Variants in SGMS1 observed in about 807,000 individuals in gnomAD.
The protein encoded by SGMS1 is sphingomyelin synthase 1.
In SGMS1, 13 loss-of-function variants were observed where a neutral mutation model predicts 46.2. That is an observed-to-expected ratio of 0.28 (90% CI 0.18 to 0.45). The LOEUF (loss-of-function observed/expected upper bound fraction) is 0.45, where lower values mean the gene tolerates loss of function less well. Among genes scored for constraint, SGMS1 ranks in the 20% least tolerant of loss-of-function variants. The probability of loss-of-function intolerance (pLI) is 1.00; values close to 1 mark genes in which losing one functional copy is unlikely to be tolerated. For missense variants in SGMS1, 324 were observed against 519.9 expected (o/e 0.62, Z 3.66); for synonymous variants, 203 against 187.8 (o/e 1.08, Z -0.66).
At chr10:50,399,872 TA>T (rs1471179149) in intron 6 of SGMS1, among the ~76,000 whole-genome samples, 1 of 151,488 alleles carries the variant, frequency 6.6e-6, no homozygotes, top group Non-Finnish European at 1.5e-5. Context: ...ACTAAAAATA[TA>T]AAAAAATTAG....
At chr10:50,607,655 A>G (rs1838710123) in intron 1 of SGMS1, among the ~76,000 whole-genome samples, 1 of 152,190 alleles carries the variant, frequency 6.6e-6, no homozygotes, top group Non-Finnish European at 1.5e-5. Context: ...CAAAAATATC[A>G]GGGAAAAATG....
intron 2 of SGMS1, among the ~76,000 whole-genome samples, chr10:50,542,342 G>A (rs1266847179): frequency 1.3e-5 from 2 of 151,974 alleles, no homozygotes; most frequent in Non-Finnish European, 2.9e-5. Context: ...TGTTTACAGT[G>A]ATTTAAAAAA....
intron 1 of SGMS1, among the ~76,000 whole-genome samples, chr10:50,592,084 G>A (rs1351700952): frequency 6.6e-6 from 1 of 152,176 alleles, no homozygotes; most frequent in Non-Finnish European, 1.5e-5. Context: ...TCACAAGGAT[G>A]TTGGGATCCA....
Position 50,512,451 on chromosome 10 carries a change from T to TGGAA in SGMS1, c.-498+7376_-498+7379dup, listed in dbSNP as rs201173727. ...AAGCAAGTATTTGCAACAGCTGCTATGGAAGTCAGCTAGGAAATTAATAAG... is the reference window on the plus strand; with the variant it reads ...AAGCAAGTATTTGCAACAGCTGCTATGGAAGGAAGTCAGCTAGGAAATTAATAAG... On this transcript the variant is annotated intron_variant, in intron 3 of 10. Transcript: ENST00000361781. Among the ~76,000 whole-genome samples the TGGAA allele has an allele frequency of 2.2e-4, 34 of 152,308 alleles. No individual in the cohort carries two copies. The East Asian group carries it at 6.6e-3, about 29-fold the overall frequency.
At chr10:50,445,514 T>C (rs551413239) in intron 5 of SGMS1, among the ~76,000 whole-genome samples, 9 of 152,246 alleles carry the variant, frequency 5.9e-5, no homozygotes, top group African/African-American at 1.9e-4. Context: ...ATTAATACTT[T>C]TATAATTTCT....
At chr10:50,330,293 A>AAAAACAAAACAAAACAAAAC (rs10678162) in intron 7 of SGMS1, among the ~76,000 whole-genome samples, 341 of 150,190 alleles carry the variant, frequency 2.3e-3, no homozygotes, top group Non-Finnish European at 3.4e-3. Context: ...GTCTCTACTA[A>AAAAACAAAACAAAACAAAAC]AAAACAAAAC....
At chr10:50,543,169 T>G (rs1170508345) in intron 2 of SGMS1, among the ~76,000 whole-genome samples, 1 of 152,178 alleles carries the variant, frequency 6.6e-6, no homozygotes, top group African/African-American at 2.4e-5. Context: ...GAATTTCCAT[T>G]ACAATATGCT....
At chr10:50,341,235 G>A (rs1417020782) in intron 7 of SGMS1, 2 of 434,582 alleles carry the variant, frequency 4.6e-6, no homozygotes, top group African/African-American at 2.0e-5. Flanking sequence ...TGAGAGCCAG[G>A]AAAAGGTAGT....
intron 6 of SGMS1, among the ~76,000 whole-genome samples, chr10:50,403,297 A>AT (rs1238884371): frequency 2.0e-5 from 3 of 152,184 alleles, no homozygotes; most frequent in African/African-American, 7.2e-5. Flanking sequence ...CGCATGTTCA[A>AT]TGTTCCATAA....
chr10:50,384,999 T>C (rs1183014882), intron 6 of SGMS1, among the ~76,000 whole-genome samples: 3 of 152,220 alleles, frequency 2.0e-5, no homozygotes, highest in Non-Finnish European at 2.9e-5. Context: ...CCTTAGTCTC[T>C]GCTAATACGT....
At chr10:50,502,952 G>A (rs1390612888) in intron 3 of SGMS1, among the ~76,000 whole-genome samples, 1 of 152,172 alleles carries the variant, frequency 6.6e-6, no homozygotes, top group Non-Finnish European at 1.5e-5. Context: ...AACCCAAAAT[G>A]TAGTGAAATA....
At chr10:50,408,229 G>A (rs1849045047) in intron 6 of SGMS1, among the ~76,000 whole-genome samples, 1 of 152,120 alleles carries the variant, frequency 6.6e-6, no homozygotes, top group Non-Finnish European at 1.5e-5. Flanking sequence ...GTTCTTGTAT[G>A]CTTTGGCAGG....
At chr10:50,581,981 C>A (rs534850303) in intron 2 of SGMS1, among the ~76,000 whole-genome samples, 1 of 152,282 alleles carries the variant, frequency 6.6e-6, no homozygotes, top group East Asian at 1.9e-4. Flanking sequence ...GCACAGTGGC[C>A]GTCTGCAAGG....
chr10:50,562,797 G>A (rs1308565146), intron 2 of SGMS1, among the ~76,000 whole-genome samples: 5 of 152,120 alleles, frequency 3.3e-5, no homozygotes, highest in Admixed American at 6.5e-5. Context: ...GCCCGCCTTG[G>A]CCTCCCAAAG....
chr10:50,472,439 T>G (rs1837386572), intron 3 of SGMS1, among the ~76,000 whole-genome samples: 1 of 152,172 alleles, frequency 6.6e-6, no homozygotes, highest in African/African-American at 2.4e-5. Context: ...TGTGAGATCA[T>G]GCAGTAACAT....
At chr10:50,348,938 A>G (rs1328664080) in intron 6 of SGMS1, among the ~76,000 whole-genome samples, 1 of 152,244 alleles carries the variant, frequency 6.6e-6, no homozygotes, top group Admixed American at 6.5e-5. Flanking sequence ...TACAGTAACC[A>G]AAACAGCATG....
intron 6 of SGMS1, among the ~76,000 whole-genome samples, chr10:50,429,497 C>T (rs1158698609): frequency 2.6e-5 from 4 of 152,140 alleles, no homozygotes; most frequent in Non-Finnish European, 5.9e-5. Context: ...AACATAGCCT[C>T]ATAATTAAGC....
At chr10:50,317,802 CTTTTTTTTT>C (rs143154915) in intron 8 of SGMS1, among the ~76,000 whole-genome samples, 2 of 133,560 alleles carry the variant, frequency 1.5e-5, no homozygotes, top group South Asian at 4.8e-4. Context: ...TTATTTCTTT[CTTTTTTTTT>C]TTTTTTTTTA....
intron 6 of SGMS1, among the ~76,000 whole-genome samples, chr10:50,412,517 C>T (rs1849115009): frequency 6.6e-6 from 1 of 152,156 alleles, no homozygotes; most frequent in Middle Eastern, 3.2e-3. Flanking sequence ...GGATAAGCTA[C>T]ACACTGCTAT....
Sources: allele counts gnomAD v4.1 joint callset (sites outside exome capture counted in the v4.1 genomes callset), GRCh38; gene constraint gnomAD v4.1.1; transcripts MANE v1.5; gene names NCBI Gene and HGNC (gene_info 2026-07-23, HGNC 2026-07-21).